The following SENP5 variants were observed in gnomAD, a reference collection of about 807,000 sequenced individuals.
The protein encoded by SENP5 is sentrin-specific protease 5.
In SENP5, 21 loss-of-function variants were observed where a neutral mutation model predicts 74.2. That is an observed-to-expected ratio of 0.28 (90% confidence interval 0.20 to 0.41). SENP5 has a LOEUF of 0.41. SENP5 is among the 10% of genes least tolerant of loss of function. The pLI, the probability that SENP5 is intolerant of heterozygous loss-of-function variation, is 1.00. For missense variants in SENP5, 717 were observed against 889.1 expected (o/e 0.81, Z 2.46); for synonymous variants, 311 against 312.7 (o/e 0.99, Z 0.06).
rs1713953839 is a variant in SENP5 at position 196,886,076 on chromosome 3, C to A, written c.895C>A (p.Pro299Thr). ...SPFPSPEPKD[P>T]SCRHQPYFPD... ...ATTTCCTTCCCCAGAACCTAAAGAC[C>A]CTTCTTGTCGGCATCAGCCGTACTT... Residue 299 changes from proline to threonine, a missense_variant, in exon 2 of 10, where the codon CCT (proline) becomes ACT (threonine). This residue lies in a region of SENP5 where 567 missense variants were observed against 577.4 expected (regional missense o/e 0.98). Transcript: ENST00000323460. 4 of 1,614,064 alleles carry A rather than the reference C, an allele frequency of 2.5e-6. No individual in the cohort carries two copies. The highest frequency in any genetic ancestry group is 3.4e-6 in the Non-Finnish European group (4 of 1,180,034).
intron 6 of SENP5, among the ~76,000 whole-genome samples, chr3:196,908,765 G>A (rs1294473545): frequency 1.3e-5 from 2 of 152,192 alleles, no homozygotes; most frequent in South Asian, 2.1e-4. Context: ...GGAGGTTGTG[G>A]TGAGCTGAGA....
Position 196,885,456 on chromosome 3 carries a change from T to C in SENP5, c.275T>C (p.Leu92Ser), listed in dbSNP as rs778378693. The C allele has an allele frequency of 5.0e-6, 8 of 1,614,078 alleles. No individual in the cohort carries two copies. Among genetic ancestry groups the C allele is most frequent in the African/African-American group, 4.0e-5 (3 of 74,932 alleles). ...GTGGCTACTCAAAATGTTAGTACTT[T>C]GTCCTCTAAAGTGAAAAGAAAGGAC... ...FNVATQNVSTLSSKVKRKDAK... is the reference protein window; with the variant it reads ...FNVATQNVSTSSSKVKRKDAK... The change falls in exon 2 of 10, where the codon TTG becomes TCG. Residue 92 changes from leucine (L) to serine (S), a missense_variant. Around this residue, in one of 4 missense-constraint regions of SENP5, gnomAD observed 567 missense variants for 577.4 expected, o/e 0.98. Coordinates refer to ENST00000323460, the MANE Select transcript of SENP5 (RefSeq NM_152699.5).
intron 6 of SENP5, among the ~76,000 whole-genome samples, chr3:196,918,396 CTT>C (rs34494616): frequency 4.9e-4 from 70 of 141,416 alleles, no homozygotes; most frequent in East Asian, 6.1e-4. Context: ...TTTCTCTTGA[CTT>C]TTTTTTTTTT....
chr3:196,916,719 G>T (rs1245338952), intron 6 of SENP5, among the ~76,000 whole-genome samples: 1 of 151,906 alleles, frequency 6.6e-6, no homozygotes, highest in Non-Finnish European at 1.5e-5. Flanking sequence ...TAGAGACAGG[G>T]TTTCACCATG....
At chr3:196,880,933 G>T (rs947128192) in intron 1 of SENP5, among the ~76,000 whole-genome samples, 1 of 149,648 alleles carries the variant, frequency 6.7e-6, no homozygotes, top group Non-Finnish European at 1.5e-5. Context: ...GAGCCACCGC[G>T]CCTGGCCCTT....
In SENP5 at chr3:196,872,167, G is replaced by A. The variant is rs1238132860; in HGVS notation, c.-32+4094G>A. 5.9e-5 allele frequency among the ~76,000 whole-genome samples: 9 copies of A among 152,228 alleles called. No individual in the cohort carries two copies. In the East Asian group the frequency reaches 1.2e-3, roughly 20 times the overall value. On this transcript the variant is annotated intron_variant, in intron 1 of 9. Coordinates refer to ENST00000323460, the MANE Select transcript of SENP5 (RefSeq NM_152699.5). ...TTAGGCTTGGGGCTGTCCTAGGGTC[G>A]GTGAGTATCTAGTAAGAGTGTAAAC...
At chr3:196,914,605 A>ATATATATATG (rs1290986271) in intron 6 of SENP5, 12 of 122,480 alleles carry the variant, frequency 9.8e-5, no homozygotes, top group African/African-American at 3.9e-4. Flanking sequence ...ATATATATAT[A>ATATATATATG]TATATATGTC....
chr3:196,890,165 T>C (rs575183720), intron 2 of SENP5, among the ~76,000 whole-genome samples: 26 of 152,320 alleles, frequency 1.7e-4, no homozygotes, highest in African/African-American at 6.3e-4. Flanking sequence ...GTTACCTAAG[T>C]AGAGATGAAC....
At chr3:196,873,298 C>A (rs956288435) in intron 1 of SENP5, among the ~76,000 whole-genome samples, 1 of 151,708 alleles carries the variant, frequency 6.6e-6, no homozygotes, top group Non-Finnish European at 1.5e-5. Flanking sequence ...GTCTTGAACT[C>A]CTGACCTCAG....
rs182521039 is a variant in SENP5 at position 196,918,167 on chromosome 3, C to T, written c.1885-5247C>T. On this transcript the variant is annotated intron_variant, in intron 6 of 9. Transcript: ENST00000323460. ...TAAAAATACAAAAAAATTAGCCGGG[C>T]GCGGTGGCGGGCGCCTGTAGTCCCA... Among the ~76,000 whole-genome samples the T allele has an allele frequency of 5.6e-3, 845 of 151,760 alleles. 3 individuals carry two copies. The highest frequency in any genetic ancestry group is 0.019 in the African/African-American group (784 of 41,354).
intron 6 of SENP5, among the ~76,000 whole-genome samples, chr3:196,906,579 T>C (rs1270503079): frequency 6.6e-6 from 1 of 152,146 alleles, no homozygotes; most frequent in African/African-American, 2.4e-5. Context: ...AGCAGAAATA[T>C]CAAAGATGAA....
Position 196,885,282 on chromosome 3 carries a change from A to T in SENP5, c.101A>T (p.His34Leu). The change falls in exon 2 of 10, where the codon CAC becomes CTC. Residue 34 changes from histidine (H) to leucine (L), a missense_variant. By Grantham distance (99) the His-to-Leu change is moderately conservative. Around this residue, in one of 4 missense-constraint regions of SENP5, gnomAD observed 567 missense variants for 577.4 expected, o/e 0.98. Transcript: ENST00000323460. ...GGAGGCTTTAAGAAGTTTTATTTTC[A>T]CCAACACTTGTGCATTCTGAAAGCT... The part of the protein sequence containing the change: ...GFGGFKKFYF[H>L]QHLCILKAKL... 2 of 1,614,174 alleles carry T rather than the reference A, an allele frequency of 1.2e-6. No individual in the cohort carries two copies. Among genetic ancestry groups the T allele is most frequent in the Non-Finnish European group, 1.7e-6 (2 of 1,180,026 alleles).
chr3:196,890,006 G>A (rs1238375086), intron 2 of SENP5, among the ~76,000 whole-genome samples: 1 of 152,200 alleles, frequency 6.6e-6, no homozygotes, highest in Non-Finnish European at 1.5e-5. Flanking sequence ...ACCCACACAC[G>A]TACACCTTGT....
intron 6 of SENP5, among the ~76,000 whole-genome samples, chr3:196,912,441 G>A (rs1475664110): frequency 6.6e-6 from 1 of 152,162 alleles, no homozygotes; most frequent in Non-Finnish European, 1.5e-5. Context: ...GGCAAAGAGA[G>A]GGAGAGCATT....
intron 1 of SENP5, among the ~76,000 whole-genome samples, chr3:196,879,994 G>A (rs1713653580): frequency 6.6e-6 from 1 of 152,114 alleles, no homozygotes; most frequent in Non-Finnish European, 1.5e-5. Flanking sequence ...TGCCCAGGCT[G>A]GAGTGCAGTG....
In SENP5 at chr3:196,900,255, G is replaced by A. The variant is rs1017917162; in HGVS notation, c.1759-110G>A. On this transcript the variant is annotated intron_variant, in intron 4 of 9. Coordinates refer to ENST00000323460, the MANE Select transcript of SENP5 (RefSeq NM_152699.5). ...ATATATTATTTATTCTGATTGGGATGTACTGAATTGTATAGGGTTAGTAGC... is the reference window on the plus strand; with the variant it reads ...ATATATTATTTATTCTGATTGGGATATACTGAATTGTATAGGGTTAGTAGC... 2.3e-5 allele frequency: 26 copies of A among 1,117,226 alleles called. No homozygotes were observed. The Admixed American group carries it at 3.1e-4, about 13-fold the overall frequency. The allele number at this position is 1,117,226 out of a possible 1,614,324, so 69.2% of individuals were successfully genotyped here.
chr3:196,929,022 T>C (rs1468917692), intron 8 of SENP5, among the ~76,000 whole-genome samples: 2 of 152,140 alleles, frequency 1.3e-5, no homozygotes, highest in African/African-American at 4.8e-5. Context: ...AGACCTCATC[T>C]CTACAAATAA....
chr3:196,912,386 A>T (rs13075500), intron 6 of SENP5, among the ~76,000 whole-genome samples: 28,110 of 152,048 alleles, frequency 0.18, 3,430 homozygotes, highest in Non-Finnish European at 0.24. Context: ...ACACATGGAC[A>T]TAGGGAGGGG....
chr3:196,899,791 G>A lies in SENP5; in HGVS notation c.1619+20G>A. On this transcript the variant is annotated intron_variant, in intron 3 of 9. Transcript: ENST00000323460. ...TAATAGGTATATAAATGATGCTAAA[G>A]TTAAGCCCTTGAAAATAAAATTTTT... 6.4e-7 allele frequency: 1 copy of A among 1,551,888 alleles called. No individual in the cohort carries two copies. Among genetic ancestry groups the A allele is most frequent in the Non-Finnish European group, 8.8e-7 (1 of 1,131,076 alleles).
Sources: allele counts gnomAD v4.1 joint callset (sites outside exome capture counted in the v4.1 genomes callset), GRCh38; gene constraint gnomAD v4.1.1; regional missense constraint gnomAD v4.1.1; transcripts MANE v1.5; gene names NCBI Gene and HGNC (gene_info 2026-07-23, HGNC 2026-07-21).